Variants in ATP9A observed in about 807,000 individuals in gnomAD.
The protein encoded by ATP9A is probable phospholipid-transporting ATPase IIA.
In ATP9A, 52 loss-of-function variants were observed where a neutral mutation model predicts 144.1. That is an observed-to-expected ratio of 0.36 (90% confidence interval 0.29 to 0.45). The LOEUF is 0.45. ATP9A is among the 20% of genes least tolerant of loss of function. ATP9A has a pLI of 1.00. For missense variants in ATP9A, 947 were observed against 1,392.7 expected, an observed-to-expected ratio of 0.68 and a Z score of 5.09; for synonymous variants, 582 against 557.4, an observed-to-expected ratio of 1.04 and a Z score of -0.62.
At chr20:51,688,965 G>A (rs896984534) in intron 9 of ATP9A, 99 bp downstream of exon 9, 41 of 1,284,974 alleles carry the variant, frequency 3.2e-5, no homozygotes, top group Non-Finnish European at 3.8e-5. Flanking sequence ...CCATTTGACC[G>A]AGCACTCATT....
chr20:51,623,425 G>A (rs1191489224), intron 18 of ATP9A, among the ~76,000 whole-genome samples: 1 of 152,160 alleles, frequency 6.6e-6, no homozygotes, highest in Admixed American at 6.5e-5. Context: ...GTGAGAACCT[G>A]GGGAATGGAG....
chr20:51,662,066 C>T (rs1042437202), intron 13 of ATP9A, among the ~76,000 whole-genome samples: 8 of 152,124 alleles, frequency 5.3e-5, no homozygotes, highest in African/African-American at 1.9e-4. Flanking sequence ...CACAGGACAG[C>T]CTCCCATGAC....
intron 5 of ATP9A, 142 bp downstream of exon 5, chr20:51,697,282 A>T: frequency 1.5e-6 from 1 of 670,970 alleles, no homozygotes; most frequent in Non-Finnish European, 2.6e-6. Flanking sequence ...TGTCTGTCTC[A>T]CAGGAAAGAG....
At chr20:51,761,534 G>A (rs574830402) in intron 1 of ATP9A, among the ~76,000 whole-genome samples, 3 of 152,164 alleles carry the variant, frequency 2.0e-5, no homozygotes, top group South Asian at 4.1e-4. Context: ...GGCCAAGGCG[G>A]GCAGATCACG....
chr20:51,697,884 T>C (rs2077577475), intron 4 of ATP9A, among the ~76,000 whole-genome samples: 1 of 152,170 alleles, frequency 6.6e-6, no homozygotes. Flanking sequence ...GCTAACTAAT[T>C]CCAAATGACT....
chr20:51,687,278 T>C (rs2077527303), intron 9 of ATP9A, among the ~76,000 whole-genome samples: 1 of 151,928 alleles, frequency 6.6e-6, no homozygotes, highest in South Asian at 2.1e-4. Context: ...TACCAAAGTA[T>C]GATGAAAATA....
At chr20:51,610,262 C>T (rs1460906390) in intron 23 of ATP9A, 97 bp from the exon 24 acceptor site, 12 of 939,198 alleles carry the variant, frequency 1.3e-5, no homozygotes, top group African/African-American at 4.9e-5. Flanking sequence ...ATAACACCCG[C>T]GCCGGCACTG....
intron 1 of ATP9A, among the ~76,000 whole-genome samples, chr20:51,749,000 A>G (rs1221617026): frequency 2.6e-5 from 4 of 151,532 alleles, no homozygotes; most frequent in Non-Finnish European, 4.4e-5. Context: ...AATCTAAATG[A>G]CCATCAGTGG....
chr20:51,636,342 C>T (rs576470032), intron 15 of ATP9A, among the ~76,000 whole-genome samples: 83 of 152,262 alleles, frequency 5.5e-4, no homozygotes, highest in African/African-American at 1.9e-3. Flanking sequence ...TGCTTATTTC[C>T]GGAATTTTCC....
intron 17 of ATP9A, 106 bp downstream of exon 17, chr20:51,627,494 C>T: frequency 9.6e-7 from 1 of 1,042,126 alleles, no homozygotes; most frequent in East Asian, 2.4e-5. Context: ...CCAGTGTGCC[C>T]AGAAATGACA....
intron 4 of ATP9A, among the ~76,000 whole-genome samples, chr20:51,698,507 G>A (rs1378684424): frequency 1.3e-5 from 2 of 152,142 alleles, no homozygotes; most frequent in Non-Finnish European, 2.9e-5. Flanking sequence ...GCAACAGTGA[G>A]ACCCTGTCTC....
At chr20:51,690,651 G>A in intron 8 of ATP9A, 88 bp downstream of exon 8, 10 of 1,159,588 alleles carry the variant, frequency 8.6e-6, no homozygotes, top group Admixed American at 1.8e-5. Context: ...ACAACTTCCT[G>A]ACAAAGAACT....
intron 19 of ATP9A, among the ~76,000 whole-genome samples, chr20:51,621,008 G>A (rs2077224652): frequency 6.6e-6 from 1 of 152,064 alleles, no homozygotes. Context: ...TTAGCCAGGT[G>A]TGGTGGCAGG....
chr20:51,672,529 C>G (rs1407721249), intron 11 of ATP9A, among the ~76,000 whole-genome samples: 1 of 152,134 alleles, frequency 6.6e-6, no homozygotes, highest in Non-Finnish European at 1.5e-5. Flanking sequence ...TCTGAATCCA[C>G]CATCCAGAGC....
In ATP9A at chr20:51,656,983, C is replaced by T. The variant is rs2077389465; in HGVS notation, c.1461G>A (p.Gln487=). ...GGTATACGCGGCAGGAGTCTTCGTA[C>T]TGCTTCTCGGCCTCAGCCTGATCAG... ...GVTDQAEAEK[Q]YEDSCRVYQA... Residue 487 remains glutamine, a synonymous_variant, in exon 14 of 28, where the codon CAG becomes CAA. Coordinates refer to ENST00000338821, the MANE Select transcript of ATP9A (RefSeq NM_006045.3). 2 of 1,614,232 alleles carry T rather than the reference C, an allele frequency of 1.2e-6. No homozygotes were observed. Among genetic ancestry groups the T allele is most frequent in the Non-Finnish European group, 1.7e-6 (2 of 1,180,042 alleles).
At chr20:51,617,610 A>C in intron 21 of ATP9A, 56 bp from the exon 22 acceptor site, 1 of 1,577,674 alleles carries the variant, frequency 6.3e-7, no homozygotes, top group Non-Finnish European at 8.6e-7. Flanking sequence ...TTAACCAAGA[A>C]TGTATGCTTG....
chr20:51,639,551 G>A, intron 14 of ATP9A, 47 bp from the exon 15 acceptor site: 1 of 1,564,662 alleles, frequency 6.4e-7, no homozygotes, highest in Non-Finnish European at 8.7e-7. Flanking sequence ...CCGAGAATCT[G>A]GGTTCACAGG....
At chr20:51,667,777 C>T (rs543217611) in intron 13 of ATP9A, among the ~76,000 whole-genome samples, 4 of 151,938 alleles carry the variant, frequency 2.6e-5, no homozygotes, top group African/African-American at 7.2e-5. Flanking sequence ...GGTGGCTGGG[C>T]GCAGTGCATC....
chr20:51,676,204 A>G lies in ATP9A; in HGVS notation c.804T>C (p.Thr268=). 6.3e-7 allele frequency: 1 copy of G among 1,596,732 alleles called. No individual in the cohort carries two copies. Residue 268 remains threonine, a synonymous_variant, in exon 10 of 28, where the codon ACT becomes ACC. Transcript: ENST00000338821. ...CAGTGTAAAGAACAACACCCACAAC[A>G]GTACCTAAAATGGAAAAAAGAAAAA... ...LWAGTVVASG[T]VVGVVLYTGR... is the part of the protein sequence containing the mutation.
Sources: gnomAD v4.1 joint callset for allele counts (sites outside exome capture counted in the v4.1 genomes callset) on GRCh38, gnomAD v4.1.1 for gene constraint, MANE v1.5 for transcripts, NCBI Gene and HGNC (gene_info 2026-07-23, HGNC 2026-07-21) for gene names.